PDE4B: variants seen among roughly 807,000 people sequenced by gnomAD.
The protein encoded by PDE4B is phosphodiesterase 4B.
A neutral mutation model predicts 82.2 loss-of-function variants in PDE4B; 20 were observed. That is an observed-to-expected ratio of 0.24 (90% CI 0.17 to 0.35). The LOEUF (loss-of-function observed/expected upper bound fraction) is 0.35. Ranked by LOEUF, PDE4B falls within the 10% of genes least tolerant of loss-of-function variation. PDE4B has a pLI of 1.00. For missense variants in PDE4B, 655 were observed against 907.2 expected (o/e 0.72, Z 3.57); for synonymous variants, 320 against 318.9 (o/e 1.00, Z -0.04).
chr1:66,300,217 T>G (rs953928813), intron 7 of PDE4B, among the ~76,000 whole-genome samples: 3 of 152,186 alleles, frequency 2.0e-5, no homozygotes, highest in African/African-American at 7.2e-5. Context: ...TTTTTGTTGA[T>G]TTTAGTTCCC....
At chr1:66,206,958 G>A (rs376319949) in intron 3 of PDE4B, among the ~76,000 whole-genome samples, 9 of 152,278 alleles carry the variant, frequency 5.9e-5, no homozygotes, top group African/African-American at 2.2e-4. Context: ...CTGCCCTTTA[G>A]TGCTGTACTG....
intron 7 of PDE4B, among the ~76,000 whole-genome samples, chr1:66,275,068 G>A (rs556776369): frequency 6.6e-6 from 1 of 152,290 alleles, no homozygotes; most frequent in South Asian, 2.1e-4. Flanking sequence ...GAATGGAGCT[G>A]ACACCAAATA....
chr1:66,066,892 A>C (rs1397456153), intron 3 of PDE4B, among the ~76,000 whole-genome samples: 1 of 152,016 alleles, frequency 6.6e-6, no homozygotes, highest in Non-Finnish European at 1.5e-5. Context: ...GTAGAATATT[A>C]AAAAGATTAA....
chr1:65,814,851 AT>A (rs1253120789), intron 1 of PDE4B, among the ~76,000 whole-genome samples: 16 of 150,826 alleles, frequency 1.1e-4, no homozygotes, highest in Admixed American at 1.3e-4. Flanking sequence ...CCAGCTACAA[AT>A]TTTTTTTTGT....
chr1:66,254,290 A>T (rs1217859662), intron 4 of PDE4B, among the ~76,000 whole-genome samples: 1 of 152,030 alleles, frequency 6.6e-6, no homozygotes, highest in African/African-American at 2.4e-5. Context: ...AGAACAAACC[A>T]CAAGATCTTC....
intron 2 of PDE4B, among the ~76,000 whole-genome samples, chr1:65,917,171 A>G (rs1647171376): frequency 6.6e-6 from 1 of 152,210 alleles, no homozygotes; most frequent in Non-Finnish European, 1.5e-5. Flanking sequence ...ACAGTGCAAA[A>G]TAATAATAGA....
intron 3 of PDE4B, among the ~76,000 whole-genome samples, chr1:66,042,327 A>T (rs1198447106): frequency 6.6e-6 from 1 of 151,832 alleles, no homozygotes; most frequent in Non-Finnish European, 1.5e-5. Flanking sequence ...AATATATTTC[A>T]ACATTGATGG....
intron 1 of PDE4B, among the ~76,000 whole-genome samples, chr1:65,863,073 G>GT (rs1293006749): frequency 6.6e-6 from 1 of 151,248 alleles, no homozygotes; most frequent in Non-Finnish European, 1.5e-5. Flanking sequence ...TCCTTCTCTA[G>GT]TTTTTTTAAT....
chr1:66,285,252 A>G (rs1656591163), intron 7 of PDE4B, among the ~76,000 whole-genome samples: 1 of 152,210 alleles, frequency 6.6e-6, no homozygotes, highest in Non-Finnish European at 1.5e-5. Flanking sequence ...AGATATCTAC[A>G]CAACACAAAT....
At chr1:66,340,052 C>T (rs1404062609) in intron 8 of PDE4B, among the ~76,000 whole-genome samples, 1 of 152,122 alleles carries the variant, frequency 6.6e-6, no homozygotes, top group Non-Finnish European at 1.5e-5. Flanking sequence ...AAGAAGATGC[C>T]AGGGCAAATT....
At chr1:66,280,656 C>T (rs1266497046) in intron 7 of PDE4B, among the ~76,000 whole-genome samples, 3 of 152,180 alleles carry the variant, frequency 2.0e-5, no homozygotes, top group African/African-American at 7.2e-5. Flanking sequence ...AACTTATCTC[C>T]ATTTCCCTGT....
At chr1:66,231,754 G>T (rs1212428899) in intron 3 of PDE4B, among the ~76,000 whole-genome samples, 3 of 152,216 alleles carry the variant, frequency 2.0e-5, no homozygotes, top group African/African-American at 7.2e-5. Flanking sequence ...ACTCACATTG[G>T]TTAAAAAGTA....
intron 4 of PDE4B, among the ~76,000 whole-genome samples, chr1:66,251,544 G>A (rs1028587682): frequency 1.3e-5 from 2 of 152,054 alleles, no homozygotes; most frequent in Non-Finnish European, 2.9e-5. Context: ...TGTCTTCAAG[G>A]GTACGGAAAC....
chr1:65,952,466 A>C (rs1189789954), intron 3 of PDE4B, among the ~76,000 whole-genome samples: 4 of 152,058 alleles, frequency 2.6e-5, no homozygotes, highest in Non-Finnish European at 5.9e-5. Flanking sequence ...GGATCACCTG[A>C]GGTCAGGAGT....
intron 3 of PDE4B, among the ~76,000 whole-genome samples, chr1:66,036,944 C>G (rs1654098329): frequency 6.6e-6 from 1 of 151,894 alleles, no homozygotes; most frequent in Non-Finnish European, 1.5e-5. Context: ...ACCAGCCTGA[C>G]CAACATGGTG....
intron 3 of PDE4B, among the ~76,000 whole-genome samples, chr1:65,948,458 A>G (rs1305263047): frequency 6.6e-6 from 1 of 151,960 alleles, no homozygotes; most frequent in Non-Finnish European, 1.5e-5. Context: ...AAGGGCAGGA[A>G]GTATCCAGCA....
chr1:65,946,282 G>A (rs1441587379), intron 3 of PDE4B, among the ~76,000 whole-genome samples: 1 of 151,970 alleles, frequency 6.6e-6, no homozygotes, highest in Non-Finnish European at 1.5e-5. Flanking sequence ...ATGGTTGATT[G>A]CTGCTGGGGT....
At chr1:65,836,202 A>G (rs527978826) in intron 1 of PDE4B, among the ~76,000 whole-genome samples, 39 of 152,220 alleles carry the variant, frequency 2.6e-4, no homozygotes, top group Non-Finnish European at 3.8e-4. Flanking sequence ...TCGGCCTCCC[A>G]TGGTGCTGGG....
At position 66,368,854 on chromosome 1, in the gene PDE4B, A is replaced by C; in HGVS notation, c.1730A>C (p.Gln577Pro). Residue 577 changes from glutamine to proline, a missense_variant, in exon 16 of 17, where the codon CAA (glutamine) becomes CCA (proline). Coordinates refer to ENST00000341517, the MANE Select transcript of PDE4B (RefSeq NM_002600.4). ...ACCAAGTCCTTGGAATTGTATCGGC[A>C]ATGGACAGACCGCATCATGGAGGAA... ...NPTKSLELYRQWTDRIMEEFF... is the reference protein window; with the variant it reads ...NPTKSLELYRPWTDRIMEEFF... The C allele has an allele frequency of 6.2e-7, 1 of 1,613,524 alleles. No homozygotes were observed. The highest frequency in any genetic ancestry group is 8.5e-7 in the Non-Finnish European group (1 of 1,179,654).
Sources: allele counts gnomAD v4.1 joint callset (sites outside exome capture counted in the v4.1 genomes callset), GRCh38; gene constraint gnomAD v4.1.1; transcripts MANE v1.5; gene names NCBI Gene and HGNC (gene_info 2026-07-23, HGNC 2026-07-21).